ODAD2: variants seen among roughly 807,000 people sequenced by gnomAD.
The protein encoded by ODAD2 is outer dynein arm docking complex subunit 2, also known as outer dynein arm-docking complex subunit 2.
A neutral mutation model predicts 106.8 loss-of-function variants in ODAD2; 89 were observed. The ratio of observed to expected loss-of-function variants is 0.83; its 90% CI spans 0.70 to 0.99. The LOEUF is 0.99. Among genes scored for constraint, ODAD2 ranks in the 50% least tolerant of loss-of-function variants. The pLI, the probability that ODAD2 is intolerant of heterozygous loss-of-function variation, is 0.00. For missense variants in ODAD2, 1,168 were observed against 1,238.5 expected (o/e 0.94, Z 0.85); for synonymous variants, 404 against 436.2 (o/e 0.93, Z 0.92).
chr10:27,844,734 G>GA (rs1838591832), intron 19 of ODAD2, among the ~76,000 whole-genome samples: 1 of 152,130 alleles, frequency 6.6e-6, no homozygotes. Context: ...ACAGGAAGCT[G>GA]AAAAAACAAA....
In ODAD2 at chr10:27,817,296, A is replaced by G. The variant is rs141509512; in HGVS notation, c.3022-4671T>C. Among the ~76,000 whole-genome samples, 1,137 of 152,268 alleles carry G rather than the reference A, an allele frequency of 7.5e-3. 47 individuals are homozygous for G. Among genetic ancestry groups the G allele is most frequent in the Admixed American group, 0.059 (908 of 15,296 alleles). ...TCATGATCTATGGTTCAGAATTTTT[A>G]TTGATCTCTTTGTTTATACCTCACT... On this transcript the variant is annotated intron_variant, in intron 19 of 19. Coordinates refer to ENST00000305242, the MANE Select transcript of ODAD2 (RefSeq NM_018076.5).
At chr10:27,852,884 C>T (rs989321915) in intron 19 of ODAD2, among the ~76,000 whole-genome samples, 1 of 149,294 alleles carries the variant, frequency 6.7e-6, no homozygotes, top group African/African-American at 2.5e-5. Flanking sequence ...TCGCTTGAAC[C>T]TGGGAGGTGG....
intron 17 of ODAD2, among the ~76,000 whole-genome samples, chr10:27,879,089 A>T (rs1841540698): frequency 1.3e-5 from 2 of 152,188 alleles, no homozygotes; most frequent in African/African-American, 2.4e-5. Flanking sequence ...AAGCAAAAAA[A>T]TAAATGGAAT....
At position 27,841,584 on chromosome 10, in the gene ODAD2, C is replaced by T. The variant is rs571840618; in HGVS notation, c.3021+19041G>A. ...CTAATTTTTGTATTTTTAGTAAAGA[C>T]GGGGTTTCACCATGTTGGCCAGGCT... On this transcript the variant is annotated intron_variant, in intron 19 of 19. Transcript: ENST00000305242. Among the ~76,000 whole-genome samples, 19 of 151,282 alleles carry T rather than the reference C, an allele frequency of 1.3e-4. No homozygotes were observed. In the East Asian group the frequency reaches 1.4e-3, roughly 11 times the overall value.
chr10:27,933,375 C>T lies in ODAD2; in HGVS notation c.2495+1635G>A, dbSNP rs531580187. Among the ~76,000 whole-genome samples, 9 of 152,304 alleles carry T rather than the reference C, an allele frequency of 5.9e-5. No individual in the cohort carries two copies. In the South Asian group the frequency reaches 1.9e-3, roughly 32 times the overall value. On this transcript the variant is annotated intron_variant, in intron 16 of 19. Transcript: ENST00000305242. Reference sequence around the variant, plus strand: ...AAAATGCTTTGAATAGCAAGTTAAGCACCTTAGTATTAAAATGGATTTTAG... The same window carrying T: ...AAAATGCTTTGAATAGCAAGTTAAGTACCTTAGTATTAAAATGGATTTTAG...
intron 3 of ODAD2, 40 bp downstream of exon 3, chr10:27,987,346 T>C (rs1466713314): frequency 1.9e-6 from 3 of 1,586,334 alleles, no homozygotes; most frequent in Non-Finnish European, 1.7e-6. Flanking sequence ...GCAAGATTGT[T>C]TCTAAAAGTT....
intron 1 of ODAD2, among the ~76,000 whole-genome samples, 188 bp downstream of exon 1, chr10:27,998,806 C>T (rs1850712492): frequency 2.0e-5 from 3 of 152,096 alleles, no homozygotes; most frequent in Admixed American, 2.0e-4. Context: ...CACTCACCTG[C>T]AGCACCCTGC....
intron 19 of ODAD2, among the ~76,000 whole-genome samples, chr10:27,814,459 C>T (rs1272478051): frequency 6.6e-6 from 1 of 152,242 alleles, no homozygotes; most frequent in Non-Finnish European, 1.5e-5. Flanking sequence ...TGAAGGATGT[C>T]TGCCCTCTCA....
At chr10:27,864,887 T>C (rs987044494) in intron 17 of ODAD2, among the ~76,000 whole-genome samples, 2 of 152,146 alleles carry the variant, frequency 1.3e-5, no homozygotes, top group African/African-American at 4.8e-5. Flanking sequence ...ACAGGAATCA[T>C]GCAAAATGGG....
At chr10:27,986,587 A>G (rs1363013700) in intron 3 of ODAD2, among the ~76,000 whole-genome samples, 1 of 151,984 alleles carries the variant, frequency 6.6e-6, no homozygotes, top group Non-Finnish European at 1.5e-5. Context: ...AAATAAAAGT[A>G]AAAAAAAGAC....
At chr10:27,824,495 G>T (rs75986449) in intron 19 of ODAD2, among the ~76,000 whole-genome samples, 2,179 of 152,232 alleles carry the variant, frequency 0.014, 49 homozygotes, top group African/African-American at 0.049. Context: ...AGATGCTGGT[G>T]CCATGCTCTT....
chr10:27,871,246 T>C (rs1378753262), intron 17 of ODAD2, among the ~76,000 whole-genome samples: 1 of 152,254 alleles, frequency 6.6e-6, no homozygotes, highest in Non-Finnish European at 1.5e-5. Flanking sequence ...TTGTAGATTC[T>C]GGATATTAAC....
chr10:27,828,124 C>T (rs1837209753), intron 19 of ODAD2, among the ~76,000 whole-genome samples: 2 of 152,250 alleles, frequency 1.3e-5, no homozygotes, highest in South Asian at 2.1e-4. Flanking sequence ...AAAACAGTCC[C>T]TTGGATTCTG....
intron 9 of ODAD2, among the ~76,000 whole-genome samples, chr10:27,962,701 A>T (rs546924693): frequency 2.6e-5 from 4 of 152,160 alleles, no homozygotes; most frequent in African/African-American, 9.7e-5. Flanking sequence ...CTGGAATCCA[A>T]TATATGCCCT....
intron 17 of ODAD2, among the ~76,000 whole-genome samples, chr10:27,879,020 A>G (rs1024890206): frequency 6.6e-6 from 1 of 151,712 alleles, no homozygotes; most frequent in African/African-American, 2.4e-5. Context: ...GTCTAGACTT[A>G]CATAACAAAA....
At chr10:27,906,012 C>A (rs1332524753) in intron 17 of ODAD2, among the ~76,000 whole-genome samples, 2 of 152,128 alleles carry the variant, frequency 1.3e-5, no homozygotes, top group Non-Finnish European at 2.9e-5. Flanking sequence ...CCAGAATTGA[C>A]AAATGGGATT....
intron 16 of ODAD2, among the ~76,000 whole-genome samples, chr10:27,927,720 CTA>C (rs1177371183): frequency 5.3e-5 from 8 of 152,018 alleles, no homozygotes; most frequent in African/African-American, 1.7e-4. Flanking sequence ...CCTGTTTTTT[CTA>C]TAACTCACTC....
In ODAD2 at chr10:27,995,116, C is replaced by A. The variant is rs139724964; in HGVS notation, c.27G>T (p.Thr9=). The A allele has an allele frequency of 6.2e-7, 1 of 1,614,114 alleles. No individual in the cohort carries two copies. Among genetic ancestry groups the A allele is most frequent in the East Asian group, 2.2e-5 (1 of 44,870 alleles). Reference sequence around the variant, plus strand: ...TTCCATGTCCGGCAGCAGTCCACTGCGTCAATTTCCTCAGAGCCACACCCA... The same window carrying A: ...TTCCATGTCCGGCAGCAGTCCACTGAGTCAATTTCCTCAGAGCCACACCCA... The part of the protein sequence containing the change: MGVALRKL[T]QWTAAGHGTG... Residue 9 remains threonine, a synonymous_variant, in exon 2 of 20, where the codon ACG becomes ACT. Coordinates refer to ENST00000305242, the MANE Select transcript of ODAD2 (RefSeq NM_018076.5).
chr10:27,995,160 G>T lies in ODAD2; in HGVS notation c.-18C>A. The T allele has an allele frequency of 1.2e-6, 2 of 1,613,946 alleles. No individual in the cohort carries two copies. Among genetic ancestry groups the T allele is most frequent in the Non-Finnish European group, 1.7e-6 (2 of 1,179,952 alleles). Reference sequence around the variant, plus strand: ...ACACCCATGGGATCCACCGTGCTCAGACCTGAGCTTAGCACACGCACTACA... The same window carrying T: ...ACACCCATGGGATCCACCGTGCTCATACCTGAGCTTAGCACACGCACTACA... On this transcript the variant is annotated 5_prime_UTR_variant, in exon 2 of 20. The change creates a new upstream start codon in the 5' untranslated region. Transcript: ENST00000305242.
Sources: allele counts gnomAD v4.1 joint callset (sites outside exome capture counted in the v4.1 genomes callset), GRCh38; gene constraint gnomAD v4.1.1; transcripts MANE v1.5; gene names NCBI Gene and HGNC (gene_info 2026-07-23, HGNC 2026-07-21).